AOAH: variants seen among roughly 807,000 people sequenced by gnomAD.
AOAH encodes acyloxyacyl hydrolase (neutrophil).
AOAH carries 64 observed loss-of-function variants against 92.2 expected under a neutral mutation model. The observed-to-expected ratio is 0.69, with a 90% confidence interval of 0.57 to 0.86. The LOEUF (loss-of-function observed/expected upper bound fraction) is 0.86, where lower values mean the gene tolerates loss of function less well. Ranked by LOEUF, AOAH falls within the 40% of genes least tolerant of loss-of-function variation. The probability of loss-of-function intolerance (pLI) is 0.00; values close to 1 mark genes in which losing one functional copy is unlikely to be tolerated. For synonymous variants in AOAH, 263 were observed against 254.5 expected (o/e 1.03, Z -0.32); for missense variants, 656 against 694.6 (o/e 0.94, Z 0.62).
intron 6 of AOAH, among the ~76,000 whole-genome samples, chr7:36,627,282 CT>C (rs890490243): frequency 6.6e-5 from 10 of 152,120 alleles, no homozygotes; most frequent in African/African-American, 2.2e-4. Context: ...AAGAAGTGAT[CT>C]TAAGGTGAAA....
intron 18 of AOAH, 180 bp from the exon 19 acceptor site, chr7:36,530,694 A>G (rs920592845): frequency 8.4e-5 from 46 of 545,198 alleles, no homozygotes; most frequent in South Asian, 1.2e-4. Context: ...GCCAGTGAAC[A>G]TGAGACAAAT....
chr7:36,610,159 C>CAAAAAAAAAAAA (rs71553082), intron 11 of AOAH, among the ~76,000 whole-genome samples: 13 of 49,250 alleles, frequency 2.6e-4, no homozygotes, highest in African/African-American at 7.5e-4. Flanking sequence ...TCCATAATAG[C>CAAAAAAAAAAAA]AAAAAAAAAA....
At chr7:36,561,410 G>A (rs1787256457) in intron 13 of AOAH, among the ~76,000 whole-genome samples, 1 of 152,104 alleles carries the variant, frequency 6.6e-6, no homozygotes, top group African/African-American at 2.4e-5. Context: ...ATTGATTTGA[G>A]GCCTATTATC....
chr7:36,619,284 T>G (rs1167102087), intron 9 of AOAH, among the ~76,000 whole-genome samples: 6 of 152,162 alleles, frequency 3.9e-5, no homozygotes, highest in African/African-American at 1.4e-4. Flanking sequence ...TGAGTGGTGT[T>G]TCCTCTGTGG....
chr7:36,620,773 T>C lies in AOAH; in HGVS notation c.702+8A>G, dbSNP rs759685026. On this transcript the variant is annotated splice_region_variant and intron_variant, in intron 9 of 20. Coordinates refer to ENST00000617537, the MANE Select transcript of AOAH (RefSeq NM_001637.4). ...AGAATGGGGTTCAAGCTGAATTTAG[T>C]TGCTTACCCAAATGCCATTACAGTT... 1.2e-6 allele frequency: 2 copies of C among 1,613,558 alleles called. No individual in the cohort carries two copies. Among genetic ancestry groups the C allele is most frequent in the South Asian group, 1.1e-5 (1 of 90,948 alleles).
intron 11 of AOAH, chr7:36,600,251 A>G (rs1329789775): frequency 6.6e-6 from 1 of 152,240 alleles, no homozygotes; most frequent in Non-Finnish European, 1.5e-5. Flanking sequence ...AACACTTTAG[A>G]GCAACTACCA....
intron 13 of AOAH, among the ~76,000 whole-genome samples, chr7:36,561,994 G>C (rs1247654472): frequency 6.6e-6 from 1 of 152,130 alleles, no homozygotes; most frequent in African/African-American, 2.4e-5. Context: ...GGACTTGTCT[G>C]TTCTTCTTTA....
rs1790125976 is a variant in AOAH at position 36,512,959 on chromosome 7, T to G, written c.*293A>C. 5 of 1,279,926 alleles carry G rather than the reference T, an allele frequency of 3.9e-6. No individual in the cohort carries two copies. The Admixed American group carries it at 1.2e-4, about 30-fold the overall frequency. 79.3% of individuals were successfully genotyped at this position (1,279,926 alleles called of 1,614,324 possible). A position where few individuals can be genotyped will look rare whatever the true frequency, so the allele number is the denominator to read the frequency against. The stretch of plus-strand genomic sequence containing the variant: ...GACTTAAGTGTTTTTAGAAACTCCT[T>G]TTAGAACAATTAGCTGTAAAGGGCA... On this transcript the variant is annotated 3_prime_UTR_variant, in exon 21 of 21. Transcript: ENST00000617537.
chr7:36,629,030 A>G (rs1232301662), intron 6 of AOAH, among the ~76,000 whole-genome samples: 1 of 152,238 alleles, frequency 6.6e-6, no homozygotes, highest in Non-Finnish European at 1.5e-5. Context: ...GGTTGGATTT[A>G]CAACAGTTTT....
At chr7:36,662,308 G>A (rs1346821910) in intron 3 of AOAH, among the ~76,000 whole-genome samples, 1 of 152,262 alleles carries the variant, frequency 6.6e-6, no homozygotes, top group Non-Finnish European at 1.5e-5. Context: ...GAGCACCTGA[G>A]TTAAGAGGGA....
Position 36,610,521 on chromosome 7 carries a change from G to T in AOAH, c.846+5859C>A, listed in dbSNP as rs1261291534. Among the ~76,000 whole-genome samples, 4 of 146,158 alleles carry T rather than the reference G, an allele frequency of 2.7e-5. No homozygotes were observed. The East Asian group carries it at 7.9e-4, about 29-fold the overall frequency. On this transcript the variant is annotated intron_variant, in intron 11 of 20. Coordinates refer to ENST00000617537, the MANE Select transcript of AOAH (RefSeq NM_001637.4). The stretch of plus-strand genomic sequence containing the variant: ...ACTTTTTTTTTTTTTTAAAAAAAAA[G>T]AATATTAAAGAATATTTCAAAACAA...
chr7:36,578,148 C>T (rs1490616305), intron 12 of AOAH, among the ~76,000 whole-genome samples: 10 of 152,084 alleles, frequency 6.6e-5, no homozygotes, highest in Non-Finnish European at 1.3e-4. Flanking sequence ...TTTTTAAAAT[C>T]AAAGCTACCC....
At chr7:36,718,050 A>T (rs957198661) in intron 1 of AOAH, among the ~76,000 whole-genome samples, 1 of 152,200 alleles carries the variant, frequency 6.6e-6, no homozygotes, top group Non-Finnish European at 1.5e-5. Flanking sequence ...AATATTTGTG[A>T]ATCATATATT....
At chr7:36,661,626 C>G (rs148103858) in intron 3 of AOAH, among the ~76,000 whole-genome samples, 52 of 152,338 alleles carry the variant, frequency 3.4e-4, no homozygotes, top group African/African-American at 1.1e-3. Flanking sequence ...CACCTCTCTT[C>G]TCTCCCTGAG....
intron 1 of AOAH, among the ~76,000 whole-genome samples, chr7:36,695,638 C>T (rs770613516): frequency 4.6e-5 from 7 of 152,178 alleles, no homozygotes; most frequent in Non-Finnish European, 7.4e-5. Flanking sequence ...CTAAGTGCCA[C>T]ACTACATATA....
chr7:36,533,390 C>T lies in AOAH; in HGVS notation c.1307-1046G>A, dbSNP rs77099214. On this transcript the variant is annotated intron_variant, in intron 16 of 20. Transcript: ENST00000617537. ...TCACTTATACCTCTGATTAGTTAGA[C>T]TGGAAGATAGATTCAATTTTCTTGT... Among the ~76,000 whole-genome samples the T allele has an allele frequency of 9.7e-3, 1,469 of 152,200 alleles. 22 individuals are homozygous for T. The highest frequency in any genetic ancestry group is 0.034 in the African/African-American group (1,409 of 41,516).
intron 9 of AOAH, among the ~76,000 whole-genome samples, chr7:36,620,571 G>C (rs889330097): frequency 2.0e-5 from 3 of 152,148 alleles, no homozygotes; most frequent in Non-Finnish European, 4.4e-5. Context: ...GGCTTAAAGG[G>C]GCCATGACTG....
At chr7:36,628,261 C>T (rs994796812) in intron 6 of AOAH, among the ~76,000 whole-genome samples, 4 of 152,168 alleles carry the variant, frequency 2.6e-5, no homozygotes, top group African/African-American at 4.8e-5. Context: ...TGCATATAGA[C>T]ATTAAATAAA....
chr7:36,640,093 T>C (rs757053307), intron 4 of AOAH, among the ~76,000 whole-genome samples: 1 of 152,170 alleles, frequency 6.6e-6, no homozygotes. Context: ...GTGGCTGGGT[T>C]TCCGATATTG....
Sources: gnomAD v4.1 joint callset for allele counts (sites outside exome capture counted in the v4.1 genomes callset) on GRCh38, gnomAD v4.1.1 for gene constraint, MANE v1.5 for transcripts, NCBI Gene and HGNC (gene_info 2026-07-23, HGNC 2026-07-21) for gene names.